PLOD2: variants seen among roughly 807,000 people sequenced by gnomAD.
PLOD2 encodes lysine hydroxylase 2.
Under a neutral mutation model 101.0 loss-of-function variants are expected in PLOD2, and 65 were observed. That is an observed-to-expected ratio of 0.64 (90% CI 0.53 to 0.79). The LOEUF is 0.79. PLOD2 is among the 30% of genes least tolerant of loss of function. The pLI is 0.00. For missense variants in PLOD2, 909 were observed against 914.6 expected (o/e 0.99, Z 0.08); for synonymous variants, 314 against 302.9 (o/e 1.04, Z -0.38).
chr3:146,147,245 T>C (rs2031823284), intron 1 of PLOD2, among the ~76,000 whole-genome samples: 1 of 152,186 alleles, frequency 6.6e-6, no homozygotes, highest in South Asian at 2.1e-4. Context: ...TTAATATATC[T>C]ATGTTCAGGC....
chr3:146,072,177 C>G (rs918555780), intron 17 of PLOD2, among the ~76,000 whole-genome samples: 2 of 151,668 alleles, frequency 1.3e-5, no homozygotes, highest in African/African-American at 4.8e-5. Flanking sequence ...GTTTTCAGAG[C>G]CAGATAACAT....
At chr3:146,088,966 C>T (rs1168649669) in intron 8 of PLOD2, among the ~76,000 whole-genome samples, 1 of 151,602 alleles carries the variant, frequency 6.6e-6, no homozygotes, top group Non-Finnish European at 1.5e-5. Flanking sequence ...CTATTTATTA[C>T]ATGAATGTAA....
intron 1 of PLOD2, among the ~76,000 whole-genome samples, chr3:146,158,664 C>CTTTTTTTTTTT (rs138390848): frequency 6.9e-6 from 1 of 145,142 alleles, no homozygotes; most frequent in Non-Finnish European, 1.5e-5. Context: ...GACATTAGGC[C>CTTTTTTTTTTT]TTTTTTGTTT....
At chr3:146,079,783 C>T (rs6794727) in intron 12 of PLOD2, among the ~76,000 whole-genome samples, 27,258 of 151,908 alleles carry the variant, frequency 0.18, 2,936 homozygotes, top group South Asian at 0.26. Flanking sequence ...AATCCTCCAC[C>T]TCCAAAAGCC....
intron 9 of PLOD2, among the ~76,000 whole-genome samples, chr3:146,087,719 G>A (rs1297011637): frequency 6.6e-6 from 1 of 151,724 alleles, no homozygotes; most frequent in East Asian, 1.9e-4. Context: ...AGGATTTTAA[G>A]GCCCCATGAA....
chr3:146,132,828 T>G (rs1441410808), intron 1 of PLOD2, among the ~76,000 whole-genome samples: 1 of 152,182 alleles, frequency 6.6e-6, no homozygotes. Flanking sequence ...AAATCAAAAT[T>G]TGTATATTTA....
chr3:146,090,599 G>T (rs2108027469), intron 8 of PLOD2, among the ~76,000 whole-genome samples: 1 of 151,672 alleles, frequency 6.6e-6, no homozygotes, highest in East Asian at 1.9e-4. Flanking sequence ...AAATATTCTG[G>T]CATTCTTTGC....
At chr3:146,081,079 A>G (rs1464643816) in intron 12 of PLOD2, among the ~76,000 whole-genome samples, 1 of 152,214 alleles carries the variant, frequency 6.6e-6, no homozygotes. Context: ...CTGGTCCATC[A>G]TATGTATGAA....
intron 8 of PLOD2, 56 bp downstream of exon 8, chr3:146,091,744 T>C (rs1936975177): frequency 2.0e-6 from 2 of 990,990 alleles, no homozygotes; most frequent in Non-Finnish European, 3.3e-6. Flanking sequence ...AATCACAGTA[T>C]TTCATGACAA....
rs779791611 is a variant in PLOD2 at position 146,076,828 on chromosome 3, G to A, written c.1631C>T (p.Thr544Ile). ...CCAGAGGTCATTGTTATAATGGGAA[G>A]TATTGTAATTAGCAGTGGATAATAG... ...GRLLSTANYN[T>I]SHYNNDLWQI... Residue 544 changes from threonine to isoleucine, a missense_variant, in exon 15 of 20, where the codon ACT (threonine) becomes ATT (isoleucine). By Grantham distance (89) the Thr-to-Ile change is moderately conservative. Transcript: ENST00000282903. 2 of 1,590,150 alleles carry A rather than the reference G, an allele frequency of 1.3e-6. No homozygotes were observed. The highest frequency in any genetic ancestry group is 2.2e-5 in the South Asian group (2 of 90,204).
Position 146,107,345 on chromosome 3 carries a change from C to T in PLOD2, c.503-701G>A, listed in dbSNP as rs144625608. On this transcript the variant is annotated intron_variant, in intron 4 of 19. Transcript: ENST00000282903. ...CAATAACATTTGTCTATTAAAGACA[C>T]GAACGGAATCATTTTTCTTGTCTGA... 2.2e-3 allele frequency among the ~76,000 whole-genome samples: 339 copies of T among 152,236 alleles called. 1 individual carries two copies. Among genetic ancestry groups the T allele is most frequent in the African/African-American group, 7.8e-3 (322 of 41,544 alleles).
intron 7 of PLOD2, among the ~76,000 whole-genome samples, chr3:146,097,803 A>AAAAAAT (rs1553733434): frequency 2.1e-5 from 3 of 142,102 alleles, no homozygotes; most frequent in South Asian, 2.2e-4. Context: ...AATAAAAAAA[A>AAAAAAT]AATAATAATA....
intron 7 of PLOD2, among the ~76,000 whole-genome samples, chr3:146,096,997 G>A (rs1308091279): frequency 1.4e-5 from 2 of 146,154 alleles, no homozygotes; most frequent in Admixed American, 6.7e-5. Context: ...CCGGGAGGGA[G>A]GTGGGGGGGT....
intron 1 of PLOD2, among the ~76,000 whole-genome samples, chr3:146,135,902 A>G (rs1427408411): frequency 1.3e-5 from 2 of 152,054 alleles, no homozygotes; most frequent in African/African-American, 4.8e-5. Flanking sequence ...AAAAAAAAAA[A>G]TTAAATATCA....
chr3:146,123,244 T>C (rs1393008836), intron 2 of PLOD2: 3 of 1,048,818 alleles, frequency 2.9e-6, no homozygotes, highest in African/African-American at 1.7e-5. Flanking sequence ...AAAAAAAGTT[T>C]TTTGCTTTTT....
chr3:146,125,086 A>ATT (rs74421932), intron 1 of PLOD2, among the ~76,000 whole-genome samples: 13 of 151,246 alleles, frequency 8.6e-5, no homozygotes, highest in Admixed American at 3.3e-4. Flanking sequence ...GGGCTGGAAC[A>ATT]TTTTTTTTTA....
At chr3:146,140,670 C>T (rs537680011) in intron 1 of PLOD2, among the ~76,000 whole-genome samples, 16 of 152,176 alleles carry the variant, frequency 1.1e-4, no homozygotes, top group Admixed American at 9.2e-4. Flanking sequence ...ATAAAGCATT[C>T]CAGTCAATTA....
chr3:146,105,727 T>A (rs761942719), intron 5 of PLOD2, among the ~76,000 whole-genome samples: 4 of 152,168 alleles, frequency 2.6e-5, no homozygotes, highest in Non-Finnish European at 5.9e-5. Context: ...GAACCAAGGA[T>A]CCAGTCCCTA....
At chr3:146,143,319 T>C (rs373916549) in intron 1 of PLOD2, among the ~76,000 whole-genome samples, 126 of 152,036 alleles carry the variant, frequency 8.3e-4, no homozygotes, top group African/African-American at 2.9e-3. Context: ...AAAAAGCATG[T>C]AGAGTATATA....
Sources: gnomAD v4.1 joint callset for allele counts (sites outside exome capture counted in the v4.1 genomes callset) on GRCh38, gnomAD v4.1.1 for gene constraint, MANE v1.5 for transcripts, NCBI Gene and HGNC (gene_info 2026-07-23, HGNC 2026-07-21) for gene names.